Variants in DLGAP2 observed in about 807,000 individuals in gnomAD.
The protein encoded by DLGAP2 is DLG associated protein 2.
DLGAP2 carries 26 observed loss-of-function variants against 100.3 expected under a neutral mutation model. The observed-to-expected ratio is 0.26, with a 90% CI of 0.19 to 0.36. The LOEUF (loss-of-function observed/expected upper bound fraction) is 0.36, where lower values mean the gene tolerates loss of function less well. DLGAP2 is among the 10% of genes least tolerant of loss of function. The pLI, the probability that DLGAP2 is intolerant of heterozygous loss-of-function variation, is 1.00. For synonymous variants in DLGAP2, 886 were observed against 630.1 expected (o/e 1.41, Z -6.08); for missense variants, 1,858 against 1,453.2 (o/e 1.28, Z -4.53).
At chr8:1,524,629 A>G (rs1184278765) in intron 4 of DLGAP2, among the ~76,000 whole-genome samples, 2 of 151,956 alleles carry the variant, frequency 1.3e-5, no homozygotes, top group Admixed American at 6.6e-5. Flanking sequence ...GTGTCCCCAT[A>G]TCATCTTCTC....
intron 2 of DLGAP2, among the ~76,000 whole-genome samples, chr8:1,121,523 C>T (rs1433527278): frequency 6.6e-6 from 1 of 152,076 alleles, no homozygotes; most frequent in African/African-American, 2.4e-5. Flanking sequence ...TCCATTACCA[C>T]CTATCCTTGT....
At chr8:1,143,699 C>A (rs964351696) in intron 2 of DLGAP2, among the ~76,000 whole-genome samples, 1 of 152,216 alleles carries the variant, frequency 6.6e-6, no homozygotes, top group African/African-American at 2.4e-5. Context: ...ATGCTACACG[C>A]TGGCCACCCT....
intron 6 of DLGAP2, among the ~76,000 whole-genome samples, chr8:1,600,592 A>G (rs541010576): frequency 1.3e-5 from 2 of 151,950 alleles, no homozygotes; most frequent in African/African-American, 4.8e-5. Flanking sequence ...TTTTTCTCCA[A>G]TCTTGTCTTC....
At chr8:1,287,789 ATG>A (rs1340707673) in intron 3 of DLGAP2, among the ~76,000 whole-genome samples, 3 of 35,816 alleles carry the variant, frequency 8.4e-5, no homozygotes, top group Admixed American at 7.7e-4. Flanking sequence ...GTCTGTGTGT[ATG>A]TGTGTGTGGT....
At chr8:1,312,199 C>T (rs929560325) in intron 3 of DLGAP2, among the ~76,000 whole-genome samples, 2 of 152,146 alleles carry the variant, frequency 1.3e-5, no homozygotes, top group Admixed American at 1.3e-4. Flanking sequence ...AAAGTTACCT[C>T]GACATAGATC....
intron 2 of DLGAP2, among the ~76,000 whole-genome samples, chr8:959,682 C>T (rs1799677890): frequency 6.6e-6 from 1 of 152,164 alleles, no homozygotes; most frequent in African/African-American, 2.4e-5. Flanking sequence ...AGAGTTAATT[C>T]ATCATGGGTG....
intron 3 of DLGAP2, among the ~76,000 whole-genome samples, chr8:1,414,330 T>G (rs10112735): frequency 0.36 from 54,841 of 152,100 alleles, 10,485 homozygotes; most frequent in East Asian, 0.6. Context: ...GGCCAACAAG[T>G]CTGAAGGCTG....
At chr8:1,599,946 G>A (rs181221691) in intron 6 of DLGAP2, among the ~76,000 whole-genome samples, 47 of 152,228 alleles carry the variant, frequency 3.1e-4, no homozygotes, top group Admixed American at 1.2e-3. Flanking sequence ...CCCATTAATT[G>A]ATGCAATTTC....
intron 3 of DLGAP2, among the ~76,000 whole-genome samples, chr8:1,338,481 C>CCGGA (rs1245401168): frequency 6.6e-6 from 1 of 152,088 alleles, no homozygotes; most frequent in Non-Finnish European, 1.5e-5. Flanking sequence ...GGTCTGGGGG[C>CCGGA]AGGAAGGAAG....
chr8:1,311,950 G>T (rs1800623655), intron 3 of DLGAP2, among the ~76,000 whole-genome samples: 1 of 152,240 alleles, frequency 6.6e-6, no homozygotes, highest in Admixed American at 6.5e-5. Context: ...CACCATTAAT[G>T]CTGGAGATTT....
At chr8:1,012,497 C>T (rs1801320078) in intron 2 of DLGAP2, among the ~76,000 whole-genome samples, 1 of 150,340 alleles carries the variant, frequency 6.7e-6, no homozygotes, top group South Asian at 2.1e-4. Flanking sequence ...GACCAGCCCC[C>T]CACTTCAGCG....
At chr8:880,622 G>T (rs1354058696) in intron 1 of DLGAP2, among the ~76,000 whole-genome samples, 1 of 147,010 alleles carries the variant, frequency 6.8e-6, no homozygotes, top group Admixed American at 6.8e-5. Flanking sequence ...CCCCTCTCCA[G>T]CCCTTGCCTG....
intron 3 of DLGAP2, among the ~76,000 whole-genome samples, chr8:1,293,270 G>A (rs996206456): frequency 6.6e-6 from 1 of 152,182 alleles, no homozygotes; most frequent in Non-Finnish European, 1.5e-5. Flanking sequence ...TGCAGTGCAG[G>A]GGGACTCAGG....
intron 2 of DLGAP2, among the ~76,000 whole-genome samples, chr8:1,046,654 G>C (rs1802524480): frequency 6.6e-6 from 1 of 152,182 alleles, no homozygotes; most frequent in South Asian, 2.1e-4. Context: ...GGGGATAAGT[G>C]AATTGACTCT....
At chr8:1,577,722 G>C (rs1404433041) in intron 6 of DLGAP2, among the ~76,000 whole-genome samples, 1 of 152,146 alleles carries the variant, frequency 6.6e-6, no homozygotes, top group African/African-American at 2.4e-5. Flanking sequence ...AGCAGCCCGG[G>C]GCCAGGGGAG....
chr8:1,511,030 T>TC (rs1800142853), intron 4 of DLGAP2, among the ~76,000 whole-genome samples: 1 of 152,234 alleles, frequency 6.6e-6, no homozygotes, highest in African/African-American at 2.4e-5. Flanking sequence ...GTATTTGTTC[T>TC]CCCCAGGGCA....
intron 4 of DLGAP2, among the ~76,000 whole-genome samples, chr8:1,533,892 C>T (rs1017011214): frequency 2.7e-4 from 41 of 152,028 alleles, no homozygotes; most frequent in African/African-American, 1.7e-4. Context: ...GAGTTTGAGG[C>T]GACAGTGAGC....
At chr8:1,277,685 G>T (rs1799731387) in intron 3 of DLGAP2, among the ~76,000 whole-genome samples, 1 of 152,184 alleles carries the variant, frequency 6.6e-6, no homozygotes, top group African/African-American at 2.4e-5. Flanking sequence ...GGTGGGGTGG[G>T]CTTCCAGGCT....
At chr8:1,667,741 C>T (rs1180411283) in intron 8 of DLGAP2, among the ~76,000 whole-genome samples, 5 of 152,150 alleles carry the variant, frequency 3.3e-5, no homozygotes, top group Admixed American at 6.5e-5. Flanking sequence ...GTTTAGCATC[C>T]GGCGTGCTTC....
Sources: allele counts gnomAD v4.1 joint callset (sites outside exome capture counted in the v4.1 genomes callset), GRCh38; gene constraint gnomAD v4.1.1; transcripts MANE v1.5; gene names NCBI Gene and HGNC (gene_info 2026-07-23, HGNC 2026-07-21).